The following CNTN5 variants were observed in gnomAD, a reference collection of about 807,000 sequenced individuals.
The protein encoded by CNTN5 is contactin-5.
In CNTN5, 77 loss-of-function variants were observed where a neutral mutation model predicts 129.1. That is an observed-to-expected ratio of 0.60 (90% confidence interval 0.50 to 0.72). CNTN5 has a LOEUF of 0.72. CNTN5 is among the 30% of genes least tolerant of loss of function. The pLI is 0.00. For synonymous variants in CNTN5, 509 were observed against 465.6 expected (o/e 1.09, Z -1.20); for missense variants, 1,478 against 1,328.8 (o/e 1.11, Z -1.75).
chr11:99,868,806 C>A (rs527978453), intron 6 of CNTN5, among the ~76,000 whole-genome samples: 1 of 152,286 alleles, frequency 6.6e-6, no homozygotes, highest in East Asian at 1.9e-4. Context: ...GGTCTTTAAT[C>A]TCTTGAGTCT....
intron 1 of CNTN5, among the ~76,000 whole-genome samples, chr11:99,261,763 C>G (rs980210319): frequency 6.6e-6 from 1 of 151,990 alleles, no homozygotes; most frequent in South Asian, 2.1e-4. Flanking sequence ...ATATCATTCT[C>G]TTATACATCT....
At chr11:99,239,809 C>A (rs895207119) in intron 1 of CNTN5, among the ~76,000 whole-genome samples, 3 of 151,932 alleles carry the variant, frequency 2.0e-5, no homozygotes, top group African/African-American at 7.2e-5. Flanking sequence ...TGGTGGCGGG[C>A]GCCTGTAGTC....
chr11:100,335,683 G>A (rs111484663), intron 21 of CNTN5, among the ~76,000 whole-genome samples: 8 of 151,854 alleles, frequency 5.3e-5, no homozygotes, highest in Admixed American at 2.0e-4. Flanking sequence ...CAGGAGAATC[G>A]CTTGAACCCA....
At chr11:99,439,437 G>A (rs1024929434) in intron 2 of CNTN5, among the ~76,000 whole-genome samples, 7 of 152,086 alleles carry the variant, frequency 4.6e-5, no homozygotes, top group African/African-American at 1.2e-4. Context: ...GACAGGCGCG[G>A]TGGCTCACGC....
At chr11:99,877,065 A>G (rs1010927467) in intron 6 of CNTN5, among the ~76,000 whole-genome samples, 3 of 152,202 alleles carry the variant, frequency 2.0e-5, no homozygotes, top group Admixed American at 2.0e-4. Context: ...CATGATATAG[A>G]TGGTTTTAAA....
chr11:100,242,856 A>G (rs1411363118), intron 16 of CNTN5, among the ~76,000 whole-genome samples: 4 of 152,250 alleles, frequency 2.6e-5, no homozygotes, highest in African/African-American at 9.6e-5. Flanking sequence ...AATCAGACAA[A>G]GGAGGAAACA....
intron 3 of CNTN5, among the ~76,000 whole-genome samples, chr11:99,701,777 G>A (rs1270727991): frequency 6.6e-6 from 1 of 150,928 alleles, no homozygotes; most frequent in African/African-American, 2.4e-5. Flanking sequence ...ATTGTTCTCT[G>A]ACTATCACAA....
chr11:99,207,772 A>T (rs1429112504), intron 1 of CNTN5, among the ~76,000 whole-genome samples: 3 of 152,206 alleles, frequency 2.0e-5, no homozygotes, highest in Non-Finnish European at 2.9e-5. Flanking sequence ...AACTTTAAAA[A>T]GTAGTCTGCA....
chr11:99,879,381 A>G (rs1166159282), intron 6 of CNTN5, among the ~76,000 whole-genome samples: 2 of 152,166 alleles, frequency 1.3e-5, no homozygotes, highest in Non-Finnish European at 2.9e-5. Flanking sequence ...TATAAAATTA[A>G]TTTTTTCTTA....
intron 3 of CNTN5, among the ~76,000 whole-genome samples, chr11:99,802,050 C>T (rs1218990): frequency 0.58 from 88,013 of 152,072 alleles, 26,252 homozygotes; most frequent in East Asian, 0.72. Context: ...TTCGTTTTCC[C>T]ACAATATTAT....
intron 3 of CNTN5, among the ~76,000 whole-genome samples, chr11:99,807,931 A>G (rs1176647883): frequency 6.6e-6 from 1 of 152,168 alleles, no homozygotes; most frequent in African/African-American, 2.4e-5. Context: ...AGGACTCTTC[A>G]GGTACCACCG....
At chr11:99,490,247 T>C (rs1945983068) in intron 2 of CNTN5, among the ~76,000 whole-genome samples, 1 of 152,206 alleles carries the variant, frequency 6.6e-6, no homozygotes, top group African/African-American at 2.4e-5. Flanking sequence ...TATTCACCAA[T>C]TTTGACCAAC....
chr11:99,629,301 A>G (rs950798487), intron 3 of CNTN5, among the ~76,000 whole-genome samples: 1 of 152,044 alleles, frequency 6.6e-6, no homozygotes, highest in Non-Finnish European at 1.5e-5. Flanking sequence ...AAACAATGAT[A>G]TTTCACTAGG....
At chr11:99,270,254 A>G (rs1239763567) in intron 1 of CNTN5, among the ~76,000 whole-genome samples, 1 of 151,950 alleles carries the variant, frequency 6.6e-6, no homozygotes, top group Admixed American at 6.6e-5. Flanking sequence ...TTTCAAAACC[A>G]CAATAGAGTG....
At chr11:100,290,899 AC>A (rs1950945173) in intron 18 of CNTN5, among the ~76,000 whole-genome samples, 1 of 151,820 alleles carries the variant, frequency 6.6e-6, no homozygotes. Context: ...ATGAACTCAA[AC>A]AAATTTACAA....
intron 3 of CNTN5, among the ~76,000 whole-genome samples, chr11:99,772,548 T>C (rs767384217): frequency 1.3e-5 from 2 of 152,100 alleles, no homozygotes; most frequent in Non-Finnish European, 2.9e-5. Flanking sequence ...GTTTCACTGA[T>C]ACTGCAGCTC....
At chr11:100,320,329 C>G (rs1007110276) in intron 21 of CNTN5, among the ~76,000 whole-genome samples, 1 of 152,108 alleles carries the variant, frequency 6.6e-6, no homozygotes, top group Non-Finnish European at 1.5e-5. Flanking sequence ...ACCTGTTGGC[C>G]ATTTGTATCT....
intron 1 of CNTN5, chr11:99,049,478 A>C (rs956678868): frequency 4.6e-5 from 7 of 152,164 alleles, no homozygotes; most frequent in Non-Finnish European, 8.8e-5. Flanking sequence ...TCTATTCATC[A>C]TTGCAGGATG....
At chr11:99,293,998 A>G (rs931833275) in intron 1 of CNTN5, among the ~76,000 whole-genome samples, 6 of 151,486 alleles carry the variant, frequency 4.0e-5, no homozygotes, top group Non-Finnish European at 8.8e-5. Context: ...TTTGATGAGC[A>G]TTGTTAGGCT....
Sources: gnomAD v4.1 joint callset for allele counts (sites outside exome capture counted in the v4.1 genomes callset) on GRCh38, gnomAD v4.1.1 for gene constraint, MANE v1.5 for transcripts, NCBI Gene and HGNC (gene_info 2026-07-23, HGNC 2026-07-21) for gene names.